The following KCNA6 variants were observed in gnomAD, a reference collection of about 807,000 sequenced individuals.
The protein encoded by KCNA6 is potassium voltage-gated channel subfamily A member 6.
Under a neutral mutation model 29.5 loss-of-function variants are expected in KCNA6, and 17 were observed. The ratio of observed to expected loss-of-function variants is 0.58; its 90% CI spans 0.39 to 0.86. The LOEUF (loss-of-function observed/expected upper bound fraction) is 0.86. Ranked by LOEUF, KCNA6 falls within the 40% of genes least tolerant of loss-of-function variation. The probability of loss-of-function intolerance (pLI) is 0.00; values close to 1 mark genes in which losing one functional copy is unlikely to be tolerated. For synonymous variants in KCNA6, 296 were observed against 304.7 expected, an observed-to-expected ratio of 0.97 and a Z score of 0.30; for missense variants, 450 against 703.4, an observed-to-expected ratio of 0.64 and a Z score of 4.07.
At chr12:4,814,863 G>T, downstream of KCNA6, 1 of 166,692 alleles carries the variant, frequency 6.0e-6, no homozygotes. This position sits in a 1 kb window ranked among gnomAD's most constrained non-coding sequence, Gnocchi z 4.6. Context: ...GAGAGAGAAA[G>T]TGGGGAAGCG....
Position 4,811,467 on chromosome 12 carries a change from C to T in KCNA6, c.1426C>T (p.Gln476Ter), listed in dbSNP as rs1565402793. ...GGAGACGGAGCAGGAGGAGCAAGGC[C>T]AGTATACCCACGTCACTTGTGGGCA... Residue 476 changes from glutamine to a stop codon, truncating the protein, a stop_gained, in exon 1 of 1, where the codon CAG becomes TAG. Transcript: ENST00000280684. LOFTEE classifies it high-confidence loss of function. The surrounding 1 kb of genome is among the most constrained non-coding windows in gnomAD (Gnocchi z 7.1). The T allele has an allele frequency of 6.2e-7, 1 of 1,614,222 alleles. No homozygotes were observed. The highest frequency in any genetic ancestry group is 8.5e-7 in the Non-Finnish European group (1 of 1,180,036).
Position 4,810,147 on chromosome 12 carries a change from G to T in KCNA6, c.106G>T (p.Gly36Cys). The stretch of plus-strand genomic sequence containing the variant: ...CTTCCCGGAGGCCGGCGGGGGCGGG[G>T]GCTGCTGTAGTAGCGAGCGGCTGGT... Residue 36 changes from glycine to cysteine, a missense_variant, in exon 1 of 1, where the codon GGC becomes TGC. By Grantham distance (159) the Gly-to-Cys change is radical. Coordinates refer to ENST00000280684, the Ensembl canonical transcript of KCNA6. This position sits in a 1 kb window ranked among gnomAD's most constrained non-coding sequence, Gnocchi z 7.5. 6.2e-7 allele frequency: 1 copy of T among 1,605,726 alleles called. No individual in the cohort carries two copies. The highest frequency in any genetic ancestry group is 8.5e-7 in the Non-Finnish European group (1 of 1,176,424).
the KCNA6 span, among the ~76,000 whole-genome samples, chr12:4,818,838 GCA>G: frequency 0.21 from 30,646 of 148,254 alleles, 3,320 homozygotes; most frequent in East Asian, 0.35. Flanking sequence ...CCCTGAAAGT[GCA>G]CACACACACA....
chr12:4,835,476 TC>T, the KCNA6 span, among the ~76,000 whole-genome samples: 23 of 152,206 alleles, frequency 1.5e-4, no homozygotes, highest in Admixed American at 5.9e-4. Flanking sequence ...TCCTTTTTTT[TC>T]CTCCATTTCT....
chr12:4,832,705 C>T, the KCNA6 span, among the ~76,000 whole-genome samples: 72 of 152,288 alleles, frequency 4.7e-4, no homozygotes, highest in African/African-American at 1.5e-3. Flanking sequence ...TCTTTCTAGA[C>T]CCAGAGAGGG....
the KCNA6 span, among the ~76,000 whole-genome samples, chr12:4,846,309 A>G: frequency 7.2e-5 from 11 of 152,190 alleles, no homozygotes; most frequent in Admixed American, 6.5e-4. Context: ...AGGAAAATTG[A>G]CTTCCAACTA....
At chr12:4,845,522 C>CATCTAGG in the KCNA6 span, among the ~76,000 whole-genome samples, 2 of 152,134 alleles carry the variant, frequency 1.3e-5, no homozygotes, top group Admixed American at 6.5e-5. Flanking sequence ...GGACATTAGG[C>CATCTAGG]ACACGGTTCC....
chr12:4,847,165 G>A, the KCNA6 span, among the ~76,000 whole-genome samples: 1 of 151,992 alleles, frequency 6.6e-6, no homozygotes, highest in East Asian at 1.9e-4. Flanking sequence ...TAGCATTTGA[G>A]TTTGAAAACC....
the KCNA6 span, among the ~76,000 whole-genome samples, chr12:4,833,949 G>A: frequency 1.3e-5 from 1 of 78,500 alleles, no homozygotes; most frequent in East Asian, 3.0e-4. Context: ...TTTTTTTTTA[G>A]ACAGGGTCTT....
At chr12:4,834,401 G>T in the KCNA6 span, among the ~76,000 whole-genome samples, 1 of 152,144 alleles carries the variant, frequency 6.6e-6, no homozygotes, top group Non-Finnish European at 1.5e-5. Flanking sequence ...AATAGACATT[G>T]ATATTAAGCC....
At chr12:4,817,107 TG>T (rs1285140821), downstream of KCNA6, among the ~76,000 whole-genome samples, 1 of 152,232 alleles carries the variant, frequency 6.6e-6, no homozygotes, top group Non-Finnish European at 1.5e-5. Flanking sequence ...GGGTTTTGAC[TG>T]TGTGTTATTG....
the KCNA6 span, among the ~76,000 whole-genome samples, chr12:4,821,689 A>G: frequency 9.9e-5 from 15 of 152,268 alleles, no homozygotes; most frequent in African/African-American, 3.4e-4. Flanking sequence ...CTTAAAAGCA[A>G]AGGTCTGGGC....
chr12:4,827,414 T>C, the KCNA6 span, among the ~76,000 whole-genome samples: 1 of 152,124 alleles, frequency 6.6e-6, no homozygotes, highest in Admixed American at 6.5e-5. Context: ...GGCATTATGA[T>C]GGGGAAAATG....
the KCNA6 span, among the ~76,000 whole-genome samples, chr12:4,827,119 T>C: frequency 1.3e-5 from 2 of 149,290 alleles, no homozygotes; most frequent in Non-Finnish European, 3.0e-5. Flanking sequence ...CCTTCCTCCT[T>C]CTTTCCTTCT....
chr12:4,816,024 T>C (rs909435354), downstream of KCNA6, among the ~76,000 whole-genome samples: 1 of 152,060 alleles, frequency 6.6e-6, no homozygotes, highest in African/African-American at 2.4e-5. Context: ...CACCCCAAAA[T>C]CATTGAATTG....
downstream of KCNA6, chr12:4,813,933 C>G (rs182174884): frequency 1.2e-5 from 2 of 167,218 alleles, no homozygotes; most frequent in East Asian, 3.9e-4. Context: ...GCCCAGCTCA[C>G]CAGGGACTCT....
At position 4,811,898 on chromosome 12, in the gene KCNA6, T is replaced by G; in HGVS notation, c.*267T>G. 2.1e-6 allele frequency: 1 copy of G among 474,478 alleles called. No individual in the cohort carries two copies. The highest frequency in any genetic ancestry group is 3.9e-6 in the Non-Finnish European group (1 of 257,466). 29.4% of individuals were successfully genotyped at this position (474,478 alleles called of 1,614,324 possible). ...CAGCTTCTGTCATATGAATGAGATA[T>G]ACATTTATGTCTGACCTTCCCTCAA... On this transcript the variant is annotated 3_prime_UTR_variant, in exon 1 of 1. Coordinates refer to ENST00000280684, the Ensembl canonical transcript of KCNA6. This position sits in a 1 kb window ranked among gnomAD's most constrained non-coding sequence, Gnocchi z 7.1.
chr12:4,842,017 G>A, the KCNA6 span, among the ~76,000 whole-genome samples: 5 of 51,610 alleles, frequency 9.7e-5, no homozygotes, highest in African/African-American at 2.6e-4. Flanking sequence ...GCTTACGTGT[G>A]TGTGTGTGTG....
the KCNA6 span, chr12:4,842,433 G>C: frequency 6.6e-6 from 1 of 152,284 alleles, no homozygotes; most frequent in African/African-American, 2.4e-5. Flanking sequence ...GTGGTGAAAT[G>C]GTTTAGTAGT....
Sources: allele counts gnomAD v4.1 joint callset (sites outside exome capture counted in the v4.1 genomes callset), GRCh38; gene constraint gnomAD v4.1.1; non-coding constraint Gnocchi (gnomAD v3.1); transcripts MANE v1.5; gene names NCBI Gene and HGNC (gene_info 2026-07-23, HGNC 2026-07-21).